Variants in LAMA2 observed in about 807,000 individuals in gnomAD.
LAMA2 encodes laminin subunit alpha-2.
Under a neutral mutation model 364.8 loss-of-function variants are expected in LAMA2, and 269 were observed. The observed-to-expected ratio is 0.74, with a 90% CI of 0.67 to 0.82. The LOEUF (loss-of-function observed/expected upper bound fraction) is 0.82, where lower values mean the gene tolerates loss of function less well. Ranked by LOEUF, LAMA2 falls within the 40% of genes least tolerant of loss-of-function variation. The pLI, the probability that LAMA2 is intolerant of heterozygous loss-of-function variation, is 0.00. For synonymous variants in LAMA2, 1,379 were observed against 1,370.6 expected (o/e 1.01, Z -0.14); for missense variants, 3,807 against 3,873.2 (o/e 0.98, Z 0.45).
Position 129,340,590 on chromosome 6 carries a change from C to T in LAMA2, c.4312-1753C>T, listed in dbSNP as rs142277755. ...TAGAAGATTTGAGATTGGCTGGGCACGTTGGGAGGCTGAGGTGGGTGGATC... is the reference window on the plus strand; with the variant it reads ...TAGAAGATTTGAGATTGGCTGGGCATGTTGGGAGGCTGAGGTGGGTGGATC... On this transcript the variant is annotated intron_variant, in intron 29 of 64. Transcript: ENST00000421865. 2.6e-3 allele frequency among the ~76,000 whole-genome samples: 392 copies of T among 151,996 alleles called. 3 individuals are homozygous for T. The highest frequency in any genetic ancestry group is 8.8e-3 in the African/African-American group (365 of 41,456).
At chr6:129,213,580 T>G (rs1238154618) in intron 12 of LAMA2, among the ~76,000 whole-genome samples, 1 of 152,212 alleles carries the variant, frequency 6.6e-6, no homozygotes, top group African/African-American at 2.4e-5. Flanking sequence ...CTAATAGATA[T>G]GTAGTGGTAT....
At chr6:128,892,750 C>T (rs2114389084) in intron 1 of LAMA2, among the ~76,000 whole-genome samples, 1 of 151,922 alleles carries the variant, frequency 6.6e-6, no homozygotes, top group East Asian at 1.9e-4. Context: ...TCTTGGAATA[C>T]ATTATTTAAT....
At chr6:129,273,031 A>G (rs759568407) in intron 17 of LAMA2, among the ~76,000 whole-genome samples, 7 of 152,188 alleles carry the variant, frequency 4.6e-5, no homozygotes, top group African/African-American at 7.2e-5. Context: ...ATGAGCCTGA[A>G]TGGGCTCAAA....
intron 1 of LAMA2, among the ~76,000 whole-genome samples, chr6:129,008,742 T>C (rs895364436): frequency 5.3e-5 from 8 of 152,120 alleles, no homozygotes; most frequent in African/African-American, 1.9e-4. Flanking sequence ...ATTCCAGAAA[T>C]GGTGATACAG....
At chr6:129,058,300 G>T (rs1339154627) in intron 2 of LAMA2, among the ~76,000 whole-genome samples, 2 of 152,240 alleles carry the variant, frequency 1.3e-5, no homozygotes, top group Non-Finnish European at 2.9e-5. Context: ...AGTGGCTGCT[G>T]TTGTGAGACA....
In LAMA2 at chr6:129,423,220, G is replaced by A. The variant is rs945732772; in HGVS notation, c.5866-4532G>A. Among the ~76,000 whole-genome samples, 10 of 151,822 alleles carry A rather than the reference G, an allele frequency of 6.6e-5. 1 individual carries two copies. The highest frequency in any genetic ancestry group is 3.9e-4 in the Admixed American group (6 of 15,248). ...ACCTATTTTTTAAAAAAACCTAACA[G>A]CTAAAATCATACTTAGCACAAGACT... On this transcript the variant is annotated intron_variant, in intron 40 of 64. Transcript: ENST00000421865.
chr6:129,515,393 G>GTTTT (rs1786969260), intron 64 of LAMA2, among the ~76,000 whole-genome samples: 1 of 152,178 alleles, frequency 6.6e-6, no homozygotes, highest in East Asian at 1.9e-4. Context: ...TGGCTTCTGT[G>GTTTT]TTTTAAAAAG....
At chr6:128,945,962 T>C (rs1207107103) in intron 1 of LAMA2, among the ~76,000 whole-genome samples, 2 of 152,044 alleles carry the variant, frequency 1.3e-5, no homozygotes, top group African/African-American at 4.8e-5. Flanking sequence ...CCTAAAAGAG[T>C]GTCTAGTTCT....
intron 1 of LAMA2, among the ~76,000 whole-genome samples, chr6:128,980,470 G>T (rs1320836011): frequency 2.0e-5 from 3 of 152,144 alleles, no homozygotes; most frequent in African/African-American, 2.4e-5. Flanking sequence ...GGTTCTCTTT[G>T]GAATTTAATT....
Position 129,438,707 on chromosome 6 carries a change from G to T in LAMA2, c.6030G>T (p.Gly2010=). ...TRIENADARN[G]DLLRTLNDTL... ...TAGAAAATGCTGATGCTAGAAATGG[G>T]GATCTCTTGAGAACTTTGAATGACA... Residue 2010 remains glycine (G), a synonymous_variant, in exon 42 of 65, where the codon GGG becomes GGT. Transcript: ENST00000421865. 6.2e-7 allele frequency: 1 copy of T among 1,610,136 alleles called. No individual in the cohort carries two copies. The highest frequency in any genetic ancestry group is 8.5e-7 in the Non-Finnish European group (1 of 1,176,796).
rs1783474680 is a variant in LAMA2, at chr6:129,465,134, T to G, written c.7156-11T>G. On this transcript the variant is annotated splice_polypyrimidine_tract_variant and intron_variant, in intron 50 of 64. Coordinates refer to ENST00000421865, the MANE Select transcript of LAMA2 (RefSeq NM_000426.4). ...TATCTAACCACTGGGGTATGTTTAC[T>G]CTATTAATAGAGAGATTTCATGAGT... 2.5e-6 allele frequency: 4 copies of G among 1,604,652 alleles called. No homozygotes were observed. Among genetic ancestry groups the G allele is most frequent in the Non-Finnish European group, 3.4e-6 (4 of 1,172,026 alleles).
At position 129,366,310 on chromosome 6, in the gene LAMA2, T is replaced by A. The variant is rs781073814; in HGVS notation, c.4809T>A (p.Pro1603=). 3 of 1,613,900 alleles carry A rather than the reference T, an allele frequency of 1.9e-6. No homozygotes were observed. In the African/African-American group the frequency reaches 4.0e-5, roughly 22 times the overall value. ...GCATCAACCTCACTGGTCCGCTGCC[T>A]GCGCCATATAAAATGCTGTATGGTC... is the stretch of plus-strand genomic sequence containing the variant. ...VMSINLTGPL[P]APYKMLYGLE... is the part of the protein sequence containing the mutation. Residue 1603 remains proline (P), a synonymous_variant, in exon 33 of 65, where the codon CCT becomes CCA. Transcript: ENST00000421865.
chr6:129,398,910 G>A (rs558316004), intron 37 of LAMA2, among the ~76,000 whole-genome samples: 1 of 152,264 alleles, frequency 6.6e-6, no homozygotes, highest in South Asian at 2.1e-4. Flanking sequence ...ATAAGCATAA[G>A]CTACGACCAT....
chr6:129,325,997 G>A (rs752785570), intron 28 of LAMA2, among the ~76,000 whole-genome samples: 2 of 151,964 alleles, frequency 1.3e-5, no homozygotes, highest in African/African-American at 2.4e-5. Flanking sequence ...GCATCACCAC[G>A]CCTGGCTAAT....
chr6:129,254,227 G>T (rs1446234643), intron 14 of LAMA2, among the ~76,000 whole-genome samples: 2 of 152,192 alleles, frequency 1.3e-5, no homozygotes, highest in Non-Finnish European at 2.9e-5. Context: ...AGTTCTTTCA[G>T]CAAATGGGCT....
chr6:129,192,865 C>G lies in LAMA2; in HGVS notation c.1782+12C>G, dbSNP rs1583220138. The G allele has an allele frequency of 6.2e-7, 1 of 1,612,560 alleles. No individual in the cohort carries two copies. Among genetic ancestry groups the G allele is most frequent in the Non-Finnish European group, 8.5e-7 (1 of 1,179,020 alleles). On this transcript the variant is annotated intron_variant, in intron 12 of 64. Transcript: ENST00000421865. ...ATCTGGGAAACAAAGTAAGTCCACG[C>G]TTGCTTCCCGCTATTCTGCTTTAAC... is the stretch of plus-strand genomic sequence containing the variant.
chr6:128,981,221 G>A (rs914601794), intron 1 of LAMA2, among the ~76,000 whole-genome samples: 8 of 151,934 alleles, frequency 5.3e-5, no homozygotes, highest in Non-Finnish European at 1.0e-4. Flanking sequence ...ATGATTTCTC[G>A]ACTATCCTAT....
intron 54 of LAMA2, chr6:129,479,813 A>G (rs1373204364): frequency 6.6e-6 from 1 of 152,214 alleles, no homozygotes; most frequent in African/African-American, 2.4e-5. Flanking sequence ...TTCATTGTTC[A>G]TAGCTACAGG....
chr6:128,961,365 A>ATATATATATG (rs1781509706), intron 1 of LAMA2, among the ~76,000 whole-genome samples: 1 of 93,266 alleles, frequency 1.1e-5, no homozygotes, highest in African/African-American at 4.4e-5. Context: ...ATATATATAT[A>ATATATATATG]TATTAGTTTA....
Sources: allele counts gnomAD v4.1 joint callset (sites outside exome capture counted in the v4.1 genomes callset), GRCh38; gene constraint gnomAD v4.1.1; transcripts MANE v1.5; gene names NCBI Gene and HGNC (gene_info 2026-07-23, HGNC 2026-07-21).